NRXN3: variants seen among roughly 807,000 people sequenced by gnomAD.
NRXN3 encodes neurexin III.
A neutral mutation model predicts 137.6 loss-of-function variants in NRXN3; 32 were observed. The ratio of observed to expected loss-of-function variants is 0.23; its 90% CI spans 0.18 to 0.31. NRXN3 has a LOEUF of 0.31. NRXN3 is among the 10% of genes least tolerant of loss of function. The pLI is 1.00. For synonymous variants in NRXN3, 798 were observed against 784.5 expected (o/e 1.02, Z -0.29); for missense variants, 1,574 against 2,062.5 (o/e 0.76, Z 4.59).
chr14:79,440,738 CA>C (rs952414001), intron 15 of NRXN3, among the ~76,000 whole-genome samples: 2 of 151,510 alleles, frequency 1.3e-5, no homozygotes, highest in African/African-American at 4.9e-5. Flanking sequence ...ACCACACTTT[CA>C]AAAAAAAATT....
chr14:79,324,913 C>A, intron 15 of NRXN3, among the ~76,000 whole-genome samples: 1 of 152,104 alleles, frequency 6.6e-6, no homozygotes, highest in East Asian at 1.9e-4. Context: ...GAAAACAGCC[C>A]TGAAGAATCC....
At chr14:79,044,754 G>A (rs568062153) in intron 15 of NRXN3, among the ~76,000 whole-genome samples, 4 of 150,806 alleles carry the variant, frequency 2.7e-5, no homozygotes, top group Non-Finnish European at 4.4e-5. Flanking sequence ...AACCTGCATC[G>A]TCTAATAAGC....
At chr14:78,416,822 C>T (rs970725061) in intron 4 of NRXN3, among the ~76,000 whole-genome samples, 5 of 152,146 alleles carry the variant, frequency 3.3e-5, no homozygotes, top group South Asian at 2.1e-4. Context: ...TAGCTCAATT[C>T]AGAGACACCT....
chr14:79,799,398 T>C (rs1002013560), intron 19 of NRXN3, among the ~76,000 whole-genome samples: 2 of 152,216 alleles, frequency 1.3e-5, no homozygotes, highest in African/African-American at 4.8e-5. Flanking sequence ...CACTATGTTC[T>C]ATAAACCATG....
At chr14:79,006,329 A>C (rs994774653) in intron 15 of NRXN3, among the ~76,000 whole-genome samples, 1 of 151,096 alleles carries the variant, frequency 6.6e-6, no homozygotes, top group African/African-American at 2.5e-5. Flanking sequence ...TAAATGGCAA[A>C]AAACAAACAA....
At chr14:79,587,107 C>T (rs1466234054) in intron 16 of NRXN3, among the ~76,000 whole-genome samples, 11 of 152,220 alleles carry the variant, frequency 7.2e-5, no homozygotes, top group Admixed American at 2.0e-4. Flanking sequence ...CAGACTTTCA[C>T]GGGGAGCCAT....
At chr14:78,959,740 C>T (rs2099404438) in intron 11 of NRXN3, among the ~76,000 whole-genome samples, 1 of 152,130 alleles carries the variant, frequency 6.6e-6, no homozygotes, top group African/African-American at 2.4e-5. Context: ...CCGCAGCCAA[C>T]CTGAATTAAT....
intron 10 of NRXN3, among the ~76,000 whole-genome samples, chr14:78,871,519 A>G (rs1453761799): frequency 6.6e-6 from 1 of 152,130 alleles, no homozygotes; most frequent in African/African-American, 2.4e-5. Context: ...TACGAATTTG[A>G]ATCTTTGCCT....
At chr14:78,555,529 A>G (rs2096729725) in intron 4 of NRXN3, among the ~76,000 whole-genome samples, 1 of 152,234 alleles carries the variant, frequency 6.6e-6, no homozygotes, top group Non-Finnish European at 1.5e-5. Flanking sequence ...GAAGAATGCC[A>G]CAAAACTGCA....
At chr14:78,513,118 A>G (rs2096139769) in intron 4 of NRXN3, among the ~76,000 whole-genome samples, 2 of 152,312 alleles carry the variant, frequency 1.3e-5, no homozygotes, top group South Asian at 4.1e-4. Flanking sequence ...GAGGAAGGCA[A>G]CTTGGCAGTG....
intron 4 of NRXN3, among the ~76,000 whole-genome samples, chr14:78,627,305 T>C (rs945026082): frequency 2.0e-5 from 3 of 152,158 alleles, no homozygotes; most frequent in Non-Finnish European, 4.4e-5. Flanking sequence ...TGATAAGGCC[T>C]TCAGGAGACT....
chr14:78,885,183 T>C (rs1175761622), intron 10 of NRXN3, among the ~76,000 whole-genome samples: 1 of 148,450 alleles, frequency 6.7e-6, no homozygotes, highest in Non-Finnish European at 1.5e-5. Context: ...TAAATATACA[T>C]TATATAAATT....
intron 16 of NRXN3, among the ~76,000 whole-genome samples, chr14:79,606,612 A>C (rs1230331071): frequency 6.6e-6 from 1 of 152,240 alleles, no homozygotes; most frequent in Admixed American, 6.5e-5. Flanking sequence ...CATAGCTTGT[A>C]ACTTTTCATT....
intron 15 of NRXN3, among the ~76,000 whole-genome samples, chr14:79,318,399 C>A (rs895592506): frequency 6.6e-6 from 1 of 152,144 alleles, no homozygotes; most frequent in Non-Finnish European, 1.5e-5. Context: ...AGAAACAACA[C>A]GGAGTAGATC....
At chr14:78,276,718 T>C (rs1039588906) in intron 2 of NRXN3, among the ~76,000 whole-genome samples, 1 of 152,186 alleles carries the variant, frequency 6.6e-6, no homozygotes, top group Non-Finnish European at 1.5e-5. Context: ...AATGGGCAAG[T>C]AACCAGTATC....
intron 1 of NRXN3, among the ~76,000 whole-genome samples, chr14:78,187,990 G>A (rs991213155): frequency 6.6e-6 from 1 of 152,078 alleles, no homozygotes; most frequent in Non-Finnish European, 1.5e-5. Flanking sequence ...TTTCTAAAAT[G>A]AGTATTCGGT....
At chr14:79,767,982 T>G (rs189013629) in intron 19 of NRXN3, among the ~76,000 whole-genome samples, 1 of 152,314 alleles carries the variant, frequency 6.6e-6, no homozygotes, top group East Asian at 1.9e-4. Context: ...GTCAGGGAGT[T>G]CCCTTTCCTA....
At chr14:79,509,937 G>T (rs1420490175) in intron 16 of NRXN3, among the ~76,000 whole-genome samples, 2 of 152,104 alleles carry the variant, frequency 1.3e-5, no homozygotes, top group African/African-American at 4.8e-5. Flanking sequence ...TCATAGTTAA[G>T]GCCTTTCATG....
intron 4 of NRXN3, among the ~76,000 whole-genome samples, chr14:78,402,794 C>T (rs534067109): frequency 2.8e-4 from 42 of 152,208 alleles, no homozygotes; most frequent in African/African-American, 7.5e-4. Context: ...ATATCTTATA[C>T]GATTTGGGGG....
Sources: allele counts gnomAD v4.1 joint callset (sites outside exome capture counted in the v4.1 genomes callset), GRCh38; gene constraint gnomAD v4.1.1; transcripts MANE v1.5; gene names NCBI Gene and HGNC (gene_info 2026-07-23, HGNC 2026-07-21).